TTLL11: variants seen among roughly 807,000 people sequenced by gnomAD.
The protein encoded by TTLL11 is tubulin polyglutamylase TTLL11.
In TTLL11, 42 loss-of-function variants were observed where a neutral mutation model predicts 51.7. The ratio of observed to expected loss-of-function variants is 0.81; its 90% CI spans 0.64 to 1.05. TTLL11 has a LOEUF of 1.05. TTLL11 is among the 50% of genes least tolerant of loss of function. TTLL11 has a pLI of 0.00. For missense variants in TTLL11, 799 were observed against 940.4 expected (o/e 0.85, Z 1.97); for synonymous variants, 381 against 383.5 (o/e 0.99, Z 0.08).
chr9:121,993,031 A>G (rs1461570870), intron 3 of TTLL11, among the ~76,000 whole-genome samples: 5 of 152,166 alleles, frequency 3.3e-5, no homozygotes, highest in Non-Finnish European at 7.4e-5. Context: ...ACCCAAAAAG[A>G]CAAATACTGT....
chr9:121,929,102 A>G (rs59571248), intron 6 of TTLL11, among the ~76,000 whole-genome samples: 11,715 of 152,148 alleles, frequency 0.077, 653 homozygotes, highest in African/African-American at 0.16. Flanking sequence ...CTTCAAATGT[A>G]AAGAGAGCCC....
intron 6 of TTLL11, among the ~76,000 whole-genome samples, chr9:121,968,797 G>A (rs984177619): frequency 1.3e-5 from 2 of 151,808 alleles, no homozygotes; most frequent in African/African-American, 4.9e-5. Context: ...CTGACCTTGT[G>A]ATCTGCTGTT....
intron 8 of TTLL11, among the ~76,000 whole-genome samples, chr9:121,825,630 A>G (rs2119107704): frequency 6.6e-6 from 1 of 152,254 alleles, no homozygotes; most frequent in Middle Eastern, 3.4e-3. Context: ...GCACACTCCA[A>G]TCACCAGCTT....
At chr9:121,984,942 G>A (rs187226135) in intron 4 of TTLL11, among the ~76,000 whole-genome samples, 1 of 152,260 alleles carries the variant, frequency 6.6e-6, no homozygotes, top group East Asian at 1.9e-4. Context: ...ATATGTTGCT[G>A]GGAGCTACCT....
intron 6 of TTLL11, 113 bp from the exon 7 acceptor site, chr9:121,870,861 C>T: frequency 8.2e-7 from 1 of 1,226,676 alleles, no homozygotes; most frequent in Non-Finnish European, 1.1e-6. Context: ...ATTTTACAGA[C>T]AGCAAGACTG....
intron 6 of TTLL11, among the ~76,000 whole-genome samples, chr9:121,873,466 C>T (rs1022879034): frequency 3.3e-5 from 5 of 150,398 alleles, no homozygotes; most frequent in African/African-American, 4.9e-5. Context: ...TGCGCCACCA[C>T]ACCCAGCTAA....
chr9:121,868,042 T>A (rs1238792609), intron 7 of TTLL11, among the ~76,000 whole-genome samples: 1 of 152,154 alleles, frequency 6.6e-6, no homozygotes, highest in Non-Finnish European at 1.5e-5. Flanking sequence ...GCCAAGCCAT[T>A]CCTTCATGTT....
At chr9:121,979,786 C>T (rs1402597607) in intron 4 of TTLL11, among the ~76,000 whole-genome samples, 1 of 152,116 alleles carries the variant, frequency 6.6e-6, no homozygotes, top group Non-Finnish European at 1.5e-5. Context: ...GCCCAAGTCC[C>T]ACAGCATGTC....
chr9:121,870,931 G>T (rs967137368), intron 6 of TTLL11, among the ~76,000 whole-genome samples, 183 bp from the exon 7 acceptor site: 3 of 152,096 alleles, frequency 2.0e-5, no homozygotes, highest in Non-Finnish European at 4.4e-5. Context: ...GCCAGGACAT[G>T]AAACCAAGGC....
intron 3 of TTLL11, among the ~76,000 whole-genome samples, chr9:122,002,982 G>T (rs539690085): frequency 7.3e-6 from 1 of 137,768 alleles, no homozygotes; most frequent in East Asian, 2.0e-4. Flanking sequence ...CCAGCGTGTC[G>T]AGCCTCCCTG....
At chr9:121,968,844 C>T (rs1842481196) in intron 6 of TTLL11, among the ~76,000 whole-genome samples, 1 of 151,704 alleles carries the variant, frequency 6.6e-6, no homozygotes, top group Non-Finnish European at 1.5e-5. Flanking sequence ...ACTTACCATA[C>T]ATTAAAAGTT....
intron 6 of TTLL11, among the ~76,000 whole-genome samples, chr9:121,958,728 G>A (rs1842107561): frequency 6.6e-6 from 1 of 152,144 alleles, no homozygotes; most frequent in Non-Finnish European, 1.5e-5. Flanking sequence ...CTGTGAAATG[G>A]GAAGAATGAC....
intron 1 of TTLL11, among the ~76,000 whole-genome samples, chr9:122,051,972 C>G (rs1845173972): frequency 6.6e-6 from 1 of 151,720 alleles, no homozygotes; most frequent in African/African-American, 2.4e-5. Context: ...CAGAAGAGGC[C>G]AATTAAGACA....
At chr9:121,826,217 T>TATATATACATAC (rs1491163835) in intron 8 of TTLL11, among the ~76,000 whole-genome samples, 5 of 58,102 alleles carry the variant, frequency 8.6e-5, no homozygotes, top group African/African-American at 3.0e-4. Flanking sequence ...TATATATATA[T>TATATATACATAC]GCACACATAT....
intron 1 of TTLL11, among the ~76,000 whole-genome samples, chr9:122,042,156 T>C (rs764759491): frequency 1.3e-5 from 2 of 152,124 alleles, no homozygotes; most frequent in Non-Finnish European, 2.9e-5. Context: ...CTGGGATTAC[T>C]GGCACATGCC....
intron 8 of TTLL11, among the ~76,000 whole-genome samples, chr9:121,847,207 CAAAAA>C (rs56213031): frequency 0.53 from 60,170 of 113,496 alleles, 12,370 homozygotes; most frequent in East Asian, 0.66. Flanking sequence ...GACTCCGTCT[CAAAAA>C]AAAAAAAAAA....
chr9:121,917,445 G>A (rs1231128851), intron 6 of TTLL11, among the ~76,000 whole-genome samples: 2 of 146,260 alleles, frequency 1.4e-5, no homozygotes, highest in African/African-American at 5.1e-5. Context: ...ACTTTAGCCT[G>A]CCTGGGTGAC....
intron 3 of TTLL11, among the ~76,000 whole-genome samples, chr9:122,014,780 C>T (rs532731434): frequency 6.6e-6 from 1 of 152,256 alleles, no homozygotes; most frequent in East Asian, 1.9e-4. Flanking sequence ...TCAGCTTCCT[C>T]ATCTATAAGA....
intron 4 of TTLL11, among the ~76,000 whole-genome samples, chr9:121,983,831 C>T (rs57830728): frequency 6.6e-6 from 1 of 152,248 alleles, no homozygotes; most frequent in African/African-American, 2.4e-5. Flanking sequence ...GAGCAGGGAC[C>T]TTGTCTTATC....
Sources: gnomAD v4.1 joint callset for allele counts (sites outside exome capture counted in the v4.1 genomes callset) on GRCh38, gnomAD v4.1.1 for gene constraint, MANE v1.5 for transcripts, NCBI Gene and HGNC (gene_info 2026-07-23, HGNC 2026-07-21) for gene names.